Variants in CPQ observed in about 807,000 individuals in gnomAD.
CPQ encodes the protein Ser-Met dipeptidase.
A neutral mutation model predicts 45.7 loss-of-function variants in CPQ; 37 were observed. The ratio of observed to expected loss-of-function variants is 0.81; its 90% CI spans 0.62 to 1.07. CPQ has a LOEUF of 1.07. Among genes scored for constraint, CPQ ranks in the 50% least tolerant of loss-of-function variants. The pLI is 0.00. For missense variants in CPQ, 537 were observed against 572.9 expected (o/e 0.94, Z 0.64); for synonymous variants, 186 against 205.8 (o/e 0.90, Z 0.82).
At chr8:96,862,408 T>G (rs1477927101) in intron 3 of CPQ, among the ~76,000 whole-genome samples, 15 of 151,626 alleles carry the variant, frequency 9.9e-5, no homozygotes, top group Admixed American at 6.6e-4. Flanking sequence ...ATGGTAGTAA[T>G]TATTATGGCA....
chr8:96,800,931 G>A (rs1810998500), intron 2 of CPQ, among the ~76,000 whole-genome samples: 1 of 151,232 alleles, frequency 6.6e-6, no homozygotes, highest in African/African-American at 2.4e-5. Context: ...TAATGATTTT[G>A]TACCATGAAT....
chr8:97,020,967 T>A (rs1419464873), intron 5 of CPQ, among the ~76,000 whole-genome samples: 1 of 151,980 alleles, frequency 6.6e-6, no homozygotes, highest in Non-Finnish European at 1.5e-5. Flanking sequence ...GATGCTAAAA[T>A]CCTTAATAAA....
chr8:96,684,001 ATAT>A lies in CPQ; in HGVS notation c.-35+38604_-35+38606del, dbSNP rs1485932478. Among the ~76,000 whole-genome samples the A allele has an allele frequency of 5.3e-5, 8 of 152,140 alleles. No individual in the cohort carries two copies. The East Asian group carries it at 1.5e-3, about 29-fold the overall frequency. On this transcript the variant is annotated intron_variant, in intron 1 of 7. Transcript: ENST00000220763. Reference sequence around the variant, plus strand: ...TCTTGTATCTCACTGTGTTTCTGTAATATTATTCTCTGGAATTCTTTTTTAGGC... The same window carrying A: ...TCTTGTATCTCACTGTGTTTCTGTAATATTCTCTGGAATTCTTTTTTAGGC...
chr8:96,922,831 G>A lies in CPQ; in HGVS notation c.849+42826G>A, dbSNP rs141954022. 3.5e-3 allele frequency among the ~76,000 whole-genome samples: 527 copies of A among 152,244 alleles called. 3 individuals carry two copies. Among genetic ancestry groups the A allele is most frequent in the Middle Eastern group, 6.8e-3 (2 of 294 alleles). On this transcript the variant is annotated intron_variant, in intron 4 of 7. Coordinates refer to ENST00000220763, the MANE Select transcript of CPQ (RefSeq NM_016134.4). Reference sequence around the variant, plus strand: ...TACATACACAGGTTATAATATACTTGATGAGCCAGTTTCTTTAGGATGAGT... The same window carrying A: ...TACATACACAGGTTATAATATACTTAATGAGCCAGTTTCTTTAGGATGAGT...
chr8:96,929,037 G>T (rs763181727), intron 4 of CPQ, among the ~76,000 whole-genome samples: 1 of 152,072 alleles, frequency 6.6e-6, no homozygotes, highest in Non-Finnish European at 1.5e-5. Context: ...CCCAGCCAAC[G>T]TCTATTTTGC....
chr8:96,645,894 C>G (rs1166516784), intron 1 of CPQ, among the ~76,000 whole-genome samples: 2 of 151,062 alleles, frequency 1.3e-5, no homozygotes, highest in East Asian at 3.9e-4. Flanking sequence ...ACTGGACTCT[C>G]CTAGAATCGA....
At chr8:96,848,188 T>C (rs1354884471) in intron 3 of CPQ, among the ~76,000 whole-genome samples, 1 of 152,170 alleles carries the variant, frequency 6.6e-6, no homozygotes, top group African/African-American at 2.4e-5. Flanking sequence ...ATTTTTAACT[T>C]TCTCAACTTA....
intron 1 of CPQ, among the ~76,000 whole-genome samples, chr8:96,719,952 A>C (rs1434772303): frequency 6.6e-6 from 1 of 152,166 alleles, no homozygotes; most frequent in African/African-American, 2.4e-5. Flanking sequence ...CTCATGGTGT[A>C]GGCTGAAGCC....
At chr8:96,713,038 C>T (rs1261180323) in intron 1 of CPQ, among the ~76,000 whole-genome samples, 1 of 152,158 alleles carries the variant, frequency 6.6e-6, no homozygotes, top group Non-Finnish European at 1.5e-5. Context: ...GGCAAAATGC[C>T]ACCAGTCTCT....
At chr8:96,678,557 T>C (rs949198253) in intron 1 of CPQ, among the ~76,000 whole-genome samples, 2 of 152,126 alleles carry the variant, frequency 1.3e-5, no homozygotes, top group African/African-American at 4.8e-5. Flanking sequence ...TTCCCTTTTC[T>C]TTGCATCCTT....
At chr8:97,027,102 C>T (rs888925613) in intron 5 of CPQ, among the ~76,000 whole-genome samples, 4 of 151,984 alleles carry the variant, frequency 2.6e-5, no homozygotes, top group Non-Finnish European at 5.9e-5. Flanking sequence ...AGTACTTTAT[C>T]CTTTCTTATT....
At chr8:97,122,982 T>C (rs796373539) in intron 7 of CPQ, among the ~76,000 whole-genome samples, 8 of 17,196 alleles carry the variant, frequency 4.7e-4, no homozygotes, top group Non-Finnish European at 6.4e-4. Context: ...AAAATAAAAT[T>C]AAAATAAAAT....
intron 1 of CPQ, among the ~76,000 whole-genome samples, chr8:96,728,914 G>A (rs1286380622): frequency 3.3e-5 from 5 of 152,078 alleles, no homozygotes; most frequent in Non-Finnish European, 7.4e-5. Context: ...AGGAAGACTA[G>A]GTTAGAGAGT....
chr8:97,006,758 G>A (rs1809390940), intron 5 of CPQ, among the ~76,000 whole-genome samples: 1 of 152,148 alleles, frequency 6.6e-6, no homozygotes, highest in African/African-American at 2.4e-5. Context: ...GAGGACCCAG[G>A]TGCACCAGGA....
At chr8:97,000,599 G>A (rs1193060864) in intron 5 of CPQ, among the ~76,000 whole-genome samples, 1 of 151,890 alleles carries the variant, frequency 6.6e-6, no homozygotes. Flanking sequence ...ATTGATCTAT[G>A]TGTCTGTTTT....
At chr8:96,841,070 C>T (rs2130853135) in intron 3 of CPQ, among the ~76,000 whole-genome samples, 1 of 152,114 alleles carries the variant, frequency 6.6e-6, no homozygotes, top group South Asian at 2.1e-4. Flanking sequence ...TATTCGAGTC[C>T]TGTAGATATT....
intron 1 of CPQ, among the ~76,000 whole-genome samples, chr8:96,688,461 GTCATTATA>G (rs1809263831): frequency 6.6e-6 from 1 of 152,086 alleles, no homozygotes; most frequent in African/African-American, 2.4e-5. Context: ...TTTTAATTCT[GTCATTATA>G]TCTTATCACA....
chr8:96,791,404 C>A (rs1165037426), intron 2 of CPQ, among the ~76,000 whole-genome samples: 3 of 151,924 alleles, frequency 2.0e-5, no homozygotes, highest in Non-Finnish European at 4.4e-5. Context: ...TTCTTATTCC[C>A]ATTTCTTTCT....
intron 4 of CPQ, among the ~76,000 whole-genome samples, chr8:96,957,594 G>C (rs1361221098): frequency 2.0e-5 from 3 of 152,024 alleles, no homozygotes; most frequent in Non-Finnish European, 2.9e-5. Flanking sequence ...CTTGAAGTCA[G>C]GAGTTCCAGA....
Sources: allele counts gnomAD v4.1 joint callset (sites outside exome capture counted in the v4.1 genomes callset), GRCh38; gene constraint gnomAD v4.1.1; transcripts MANE v1.5; gene names NCBI Gene and HGNC (gene_info 2026-07-23, HGNC 2026-07-21).